Variants in RPS18 observed in about 807,000 individuals in gnomAD.
RPS18 encodes the protein ribosomal protein S18, also known as small ribosomal subunit protein uS13.
For missense variants in RPS18, 49 were observed against 200.8 expected (o/e 0.24, Z 4.57); for synonymous variants, 64 against 70.9 (o/e 0.90, Z 0.49).
rs369718545 is a variant in RPS18 at position 33,272,097 on chromosome 6, A to T, written c.-23A>T. On this transcript the variant is annotated 5_prime_UTR_variant, in exon 1 of 6. Transcript: ENST00000439602. ...GCTCTCTCTTCCACAGGAGGCCTAC[A>T]CGCCGCCGCTTGTGCTGCAGCCATG... 1.0e-4 allele frequency: 159 copies of T among 1,565,964 alleles called. No individual in the cohort carries two copies. In the African/African-American group the frequency reaches 1.7e-3, roughly 17 times the overall value.
At position 33,276,247 on chromosome 6, in the gene RPS18, A is replaced by G. The variant is rs1343664607; in HGVS notation, c.363A>G (p.Arg121=). The G allele has an allele frequency of 1.9e-6, 3 of 1,614,052 alleles. No individual in the cohort carries two copies. Among genetic ancestry groups the G allele is most frequent in the Admixed American group, 1.7e-5 (1 of 60,026 alleles). ...LERLKKIRAH[R]GLRHFWGLRV... The stretch of plus-strand genomic sequence containing the variant: ...GACTGAAGAAGATTCGGGCCCATAG[A>G]GGGCTGCGTCACTTCTGGGGGTGAG... Residue 121 remains arginine (R), a synonymous_variant, in exon 5 of 6, where the codon AGA becomes AGG. Transcript: ENST00000439602.
At chr6:33,272,361 G>A in intron 1 of RPS18, 1 of 608,112 alleles carries the variant, frequency 1.6e-6, no homozygotes, top group Non-Finnish European at 2.9e-6. Context: ...GGGAACTCTG[G>A]CTTTTGCCAC....
chr6:33,272,127 G>C lies in RPS18; in HGVS notation c.3+5G>C. 1 of 1,566,994 alleles carries C rather than the reference G, an allele frequency of 6.4e-7. No homozygotes were observed. Among genetic ancestry groups the C allele is most frequent in the Non-Finnish European group, 8.7e-7 (1 of 1,155,724 alleles). On this transcript the variant is annotated splice_donor_5th_base_variant and intron_variant, in intron 1 of 5. Coordinates refer to ENST00000439602, the MANE Select transcript of RPS18 (RefSeq NM_022551.3). ...GCCGCTTGTGCTGCAGCCATGGTAA[G>C]ACTGGAATCCGTGCCGTGATCCAGC...
At chr6:33,274,956 C>T (rs1765525872) in intron 2 of RPS18, among the ~76,000 whole-genome samples, 1 of 152,166 alleles carries the variant, frequency 6.6e-6, no homozygotes, top group Non-Finnish European at 1.5e-5. Context: ...CCAATGTAAG[C>T]ATTAGTTTCT....
intron 2 of RPS18, among the ~76,000 whole-genome samples, chr6:33,274,915 G>A (rs1765523581): frequency 6.6e-6 from 1 of 152,162 alleles, no homozygotes; most frequent in Non-Finnish European, 1.5e-5. Context: ...CAGATGGCAT[G>A]GGTGCTAGTG....
intron 3 of RPS18, 31 bp downstream of exon 3, chr6:33,275,914 GTCAGCC>G: frequency 6.2e-7 from 1 of 1,604,910 alleles, no homozygotes; most frequent in Non-Finnish European, 8.5e-7. Context: ...TGGGGGTGGG[GTCAGCC>G]TCAGAAAGGG....
intron 1 of RPS18, 57 bp downstream of exon 1, chr6:33,272,179 C>T: frequency 6.5e-6 from 10 of 1,548,768 alleles, no homozygotes; most frequent in Non-Finnish European, 8.7e-6. Flanking sequence ...CAAGGAAAGC[C>T]GGCTGTCAGG....
At position 33,276,156 on chromosome 6, in the gene RPS18, G is replaced by A; in HGVS notation, c.292-20G>A. ...GAGGTCAGGGGATAAAACATCCCTT[G>A]CCCCCTCCTCTGAATCCAGGTCCTA... On this transcript the variant is annotated intron_variant, in intron 4 of 5. Coordinates refer to ENST00000439602, the MANE Select transcript of RPS18 (RefSeq NM_022551.3). 6.2e-7 allele frequency: 1 copy of A among 1,611,554 alleles called. No individual in the cohort carries two copies. Among genetic ancestry groups the A allele is most frequent in the Non-Finnish European group, 8.5e-7 (1 of 1,177,698 alleles).
chr6:33,275,335 T>G (rs1287217399), intron 2 of RPS18: 1 of 169,074 alleles, frequency 5.9e-6, no homozygotes, highest in African/African-American at 2.4e-5. Context: ...TTTTTTCTTT[T>G]TTTGAGACGG....
chr6:33,276,086 C>T lies in RPS18; in HGVS notation c.291+20C>T, dbSNP rs1425940233. ...AGCCAGGTGTGTACTGAAATGAGGG[C>T]AGGATTAGAGGAAGGGTGGAGGGTC... On this transcript the variant is annotated intron_variant, in intron 4 of 5. Coordinates refer to ENST00000439602, the MANE Select transcript of RPS18 (RefSeq NM_022551.3). The T allele has an allele frequency of 6.2e-7, 1 of 1,608,514 alleles. No individual in the cohort carries two copies. The highest frequency in any genetic ancestry group is 1.7e-5 in the Admixed American group (1 of 59,956).
intron 2 of RPS18, among the ~76,000 whole-genome samples, chr6:33,272,990 C>T (rs772682158): frequency 1.3e-5 from 2 of 152,186 alleles, no homozygotes; most frequent in Non-Finnish European, 2.9e-5. Context: ...GTTGCTCACC[C>T]GAATTCGCTA....
At chr6:33,273,905 TTTG>T (rs1765457535) in intron 2 of RPS18, among the ~76,000 whole-genome samples, 2 of 150,706 alleles carry the variant, frequency 1.3e-5, no homozygotes, top group East Asian at 4.0e-4. Context: ...AATTAATAAA[TTTG>T]AAAGACCCTG....
rs1484377101 is a variant in RPS18, at chr6:33,276,375, C to G, written c.384-16C>G. 2.5e-6 allele frequency: 4 copies of G among 1,613,676 alleles called. No individual in the cohort carries two copies. Among genetic ancestry groups the G allele is most frequent in the African/African-American group, 2.7e-5 (2 of 74,914 alleles). Reference sequence around the variant, plus strand: ...CTGCTGTGCATGACCTGTGACTCTTCTCTTTTTACCTGCAGCCTTCGTGTC... The same window carrying G: ...CTGCTGTGCATGACCTGTGACTCTTGTCTTTTTACCTGCAGCCTTCGTGTC... On this transcript the variant is annotated splice_polypyrimidine_tract_variant and intron_variant, in intron 5 of 5. Transcript: ENST00000439602.
intron 2 of RPS18, among the ~76,000 whole-genome samples, chr6:33,274,268 T>G (rs1352289158): frequency 6.6e-6 from 1 of 152,182 alleles, no homozygotes; most frequent in Non-Finnish European, 1.5e-5. Context: ...GAATCACTCT[T>G]CACTGCAGCC....
chr6:33,273,044 G>T (rs537065967), intron 2 of RPS18, among the ~76,000 whole-genome samples: 1 of 152,276 alleles, frequency 6.6e-6, no homozygotes, highest in South Asian at 2.1e-4. Flanking sequence ...TTCTAGATTC[G>T]GTTTCTTTAC....
intron 1 of RPS18, 167 bp downstream of exon 1, chr6:33,272,289 C>A: frequency 1.3e-6 from 1 of 790,566 alleles, no homozygotes; most frequent in South Asian, 1.7e-5. Flanking sequence ...TTCCGGAGAG[C>A]GGGCCCGAGG....
At chr6:33,273,114 G>A (rs993256150) in intron 2 of RPS18, among the ~76,000 whole-genome samples, 7 of 152,120 alleles carry the variant, frequency 4.6e-5, no homozygotes, top group African/African-American at 1.7e-4. Context: ...GAGAATTGGA[G>A]GATTATTGGG....
Position 33,272,091 on chromosome 6 carries a change from G to T in RPS18, c.-29G>T. Reference sequence around the variant, plus strand: ...ACTTCCGCTCTCTCTTCCACAGGAGGCCTACACGCCGCCGCTTGTGCTGCA... The same window carrying T: ...ACTTCCGCTCTCTCTTCCACAGGAGTCCTACACGCCGCCGCTTGTGCTGCA... On this transcript the variant is annotated 5_prime_UTR_variant, in exon 1 of 6. Coordinates refer to ENST00000439602, the MANE Select transcript of RPS18 (RefSeq NM_022551.3). The T allele has an allele frequency of 3.2e-6, 5 of 1,564,974 alleles. No individual in the cohort carries two copies. Among genetic ancestry groups the T allele is most frequent in the Non-Finnish European group, 4.3e-6 (5 of 1,154,666 alleles).
intron 2 of RPS18, among the ~76,000 whole-genome samples, chr6:33,273,379 G>A (rs1048869463): frequency 3.9e-5 from 6 of 152,012 alleles, no homozygotes; most frequent in Non-Finnish European, 7.4e-5. Context: ...GATACATAAC[G>A]TTCTTTTTTT....
Sources: allele counts gnomAD v4.1 joint callset (sites outside exome capture counted in the v4.1 genomes callset), GRCh38; gene constraint gnomAD v4.1.1; transcripts MANE v1.5; gene names NCBI Gene and HGNC (gene_info 2026-07-23, HGNC 2026-07-21).